TC2N: variants seen among roughly 807,000 people sequenced by gnomAD.
TC2N encodes tandem C2 domains nuclear protein.
TC2N carries 51 observed loss-of-function variants against 61.9 expected under a neutral mutation model. The ratio of observed to expected loss-of-function variants is 0.82; its 90% CI spans 0.66 to 1.04. TC2N has a LOEUF of 1.04. Among genes scored for constraint, TC2N ranks in the 50% least tolerant of loss-of-function variants. The pLI, the probability that TC2N is intolerant of heterozygous loss-of-function variation, is 0.00. For synonymous variants in TC2N, 204 were observed against 192.6 expected (o/e 1.06, Z -0.49); for missense variants, 556 against 566.7 (o/e 0.98, Z 0.19).
At chr14:91,826,609 G>A (rs753467389) in intron 1 of TC2N, among the ~76,000 whole-genome samples, 1 of 151,980 alleles carries the variant, frequency 6.6e-6, no homozygotes, top group Non-Finnish European at 1.5e-5. Context: ...ATATTTGCAT[G>A]TTATATCTTC....
In TC2N at chr14:91,805,315, G is replaced by A. The variant is rs576520907; in HGVS notation, c.302-2894C>T. Among the ~76,000 whole-genome samples, 4 of 152,286 alleles carry A rather than the reference G, an allele frequency of 2.6e-5. No homozygotes were observed. In the South Asian group the frequency reaches 8.3e-4, roughly 32 times the overall value. On this transcript the variant is annotated intron_variant, in intron 3 of 11. Transcript: ENST00000435962. Reference sequence around the variant, plus strand: ...AGGATATAAATATTTTTGTATAGCTGCACACTGTGTTTATATTTAAGCCAA... The same window carrying A: ...AGGATATAAATATTTTTGTATAGCTACACACTGTGTTTATATTTAAGCCAA...
Position 91,792,501 on chromosome 14 carries a change from C to G in TC2N, c.913G>C (p.Val305Leu). The G allele has an allele frequency of 1.2e-6, 2 of 1,602,070 alleles. No homozygotes were observed. Among genetic ancestry groups the G allele is most frequent in the Admixed American group, 3.3e-5 (2 of 59,732 alleles). Residue 305 changes from valine (V) to leucine (L), a missense_variant, in exon 9 of 12, where the codon GTA becomes CTA. Transcript: ENST00000435962. Reference protein sequence around the residue: ...FAIKLQNLQTVRLVFKIQTQT... With the variant: ...FAIKLQNLQTLRLVFKIQTQT... ...GTTTGAATCTTAAATACAAGTCTTA[C>G]AGTTTGTAGATTTTGAAGTTTAATA...
At chr14:91,851,222 T>C (rs1402592274) in intron 1 of TC2N, among the ~76,000 whole-genome samples, 3 of 152,208 alleles carry the variant, frequency 2.0e-5, no homozygotes, top group Non-Finnish European at 1.5e-5. Context: ...GGGACCACTG[T>C]TCTGAAGGAC....
At chr14:91,796,560 G>A (rs1031684707) in intron 8 of TC2N, among the ~76,000 whole-genome samples, 1 of 117,674 alleles carries the variant, frequency 8.5e-6, no homozygotes, top group African/African-American at 3.3e-5. Context: ...TACTGACATA[G>A]GGTGGACCCC....
chr14:91,816,477 T>TGGAGAAGAA (rs1566776357), intron 1 of TC2N, among the ~76,000 whole-genome samples: 1 of 151,866 alleles, frequency 6.6e-6, no homozygotes, highest in Non-Finnish European at 1.5e-5. Flanking sequence ...TTGGTCTTTT[T>TGGAGAAGAA]CTTCTCCAGT....
chr14:91,836,599 G>GCGAGGCAAGGCGGGGAGGGA (rs1888025546), intron 1 of TC2N: 1 of 152,906 alleles, frequency 6.5e-6, no homozygotes, highest in Admixed American at 6.5e-5. Flanking sequence ...GCGGGGAGGG[G>GCGAGGCAAGGCGGGGAGGGA]CGAGGCAAGG....
intron 1 of TC2N, among the ~76,000 whole-genome samples, chr14:91,814,867 T>C (rs2139867642): frequency 6.6e-6 from 1 of 151,758 alleles, no homozygotes; most frequent in East Asian, 1.9e-4. Context: ...TCCACAAAAA[T>C]AACTATGTCA....
chr14:91,798,347 T>C lies in TC2N; in HGVS notation c.690A>G (p.Lys230=), dbSNP rs769266798. 6.3e-7 allele frequency: 1 copy of C among 1,596,822 alleles called. No homozygotes were observed. Among genetic ancestry groups the C allele is most frequent in the Non-Finnish European group, 8.5e-7 (1 of 1,170,200 alleles). Residue 230 remains lysine (K), a synonymous_variant, in exon 7 of 12, where the codon AAA becomes AAG. Transcript: ENST00000435962. ...DERDFGRLNV[K]LFYNSSVEQI... is the part of the protein sequence containing the mutation. The stretch of plus-strand genomic sequence containing the variant: ...GTTCTACTGAAGAATTATAAAACAA[T>C]TTCACATTCAGTCTCCCAAAGTCCC...
intron 3 of TC2N, among the ~76,000 whole-genome samples, chr14:91,803,591 T>G (rs1021338246): frequency 6.6e-6 from 1 of 151,972 alleles, no homozygotes; most frequent in Non-Finnish European, 1.5e-5. Flanking sequence ...TAGCTGGGAT[T>G]ACAGGCACAC....
At chr14:91,861,920 ATATATATG>A (rs1312204903) in intron 1 of TC2N, among the ~76,000 whole-genome samples, 2 of 150,068 alleles carry the variant, frequency 1.3e-5, no homozygotes, top group Non-Finnish European at 3.0e-5. Flanking sequence ...GAAAATATAT[ATATATATG>A]TATATATATG....
intron 1 of TC2N, among the ~76,000 whole-genome samples, chr14:91,845,403 G>T (rs930601474): frequency 6.6e-6 from 1 of 152,178 alleles, no homozygotes; most frequent in African/African-American, 2.4e-5. Context: ...TGAACCCAAA[G>T]CTATGTGTGA....
At chr14:91,856,308 G>A (rs11849481) in intron 1 of TC2N, among the ~76,000 whole-genome samples, 35 of 152,220 alleles carry the variant, frequency 2.3e-4, no homozygotes, top group African/African-American at 6.7e-4. Flanking sequence ...GGCCAACATG[G>A]TGAAACCCTG....
chr14:91,803,874 C>T (rs1595237459), intron 3 of TC2N, among the ~76,000 whole-genome samples: 1 of 152,174 alleles, frequency 6.6e-6, no homozygotes, highest in Admixed American at 6.5e-5. Context: ...GTATAACTGA[C>T]AAAGGGCTCA....
intron 8 of TC2N, 119 bp downstream of exon 8, chr14:91,797,666 T>C: frequency 8.9e-6 from 6 of 674,738 alleles, no homozygotes; most frequent in Non-Finnish European, 1.3e-5. Context: ...CAATAATACA[T>C]AGTTGTAGTT....
intron 10 of TC2N, among the ~76,000 whole-genome samples, chr14:91,786,745 A>G (rs1237185735): frequency 1.3e-5 from 2 of 152,028 alleles, no homozygotes; most frequent in East Asian, 3.8e-4. Context: ...TGTTTTCTCT[A>G]TTTTTTCACT....
At chr14:91,800,524 TAAAA>T (rs1173144866) in intron 4 of TC2N, 152 bp from the exon 5 acceptor site, 2 of 421,346 alleles carry the variant, frequency 4.7e-6, no homozygotes, top group Non-Finnish European at 8.5e-6. Flanking sequence ...TTTTTAAACT[TAAAA>T]AAATTTTTTT....
At chr14:91,810,900 A>G (rs750164992) in intron 3 of TC2N, among the ~76,000 whole-genome samples, 8 of 152,076 alleles carry the variant, frequency 5.3e-5, no homozygotes, top group Non-Finnish European at 1.0e-4. Context: ...CCATAGAACA[A>G]TATCAAAAGG....
chr14:91,803,380 T>TATAC (rs1555369732), intron 3 of TC2N, among the ~76,000 whole-genome samples: 1,914 of 145,512 alleles, frequency 0.013, 53 homozygotes, highest in African/African-American at 0.046. Context: ...CATACATATA[T>TATAC]ACACACACAC....
chr14:91,803,358 A>C (rs541084380), intron 3 of TC2N, among the ~76,000 whole-genome samples: 1 of 151,344 alleles, frequency 6.6e-6, no homozygotes, highest in African/African-American at 2.4e-5. Context: ...CATAAAGAGC[A>C]TTAATCATAT....
Sources: gnomAD v4.1 joint callset for allele counts (sites outside exome capture counted in the v4.1 genomes callset) on GRCh38, gnomAD v4.1.1 for gene constraint, MANE v1.5 for transcripts, NCBI Gene and HGNC (gene_info 2026-07-23, HGNC 2026-07-21) for gene names.